C10orf90: variants seen among roughly 807,000 people sequenced by gnomAD.
C10orf90 encodes (E2-independent) E3 ubiquitin-conjugating enzyme FATS.
C10orf90 carries 56 observed loss-of-function variants against 62.5 expected under a neutral mutation model. The observed-to-expected ratio is 0.90, with a 90% CI of 0.72 to 1.12. C10orf90 has a LOEUF of 1.12. Ranked by LOEUF, C10orf90 falls within the 50% of genes most tolerant of loss-of-function variation. The pLI is 0.00. For synonymous variants in C10orf90, 386 were observed against 340.4 expected, an observed-to-expected ratio of 1.13 and a Z score of -1.47; for missense variants, 970 against 880.4, an observed-to-expected ratio of 1.10 and a Z score of -1.29.
intron 2 of C10orf90, among the ~76,000 whole-genome samples, chr10:126,519,910 C>T (rs1167609847): frequency 6.6e-6 from 1 of 152,202 alleles, no homozygotes; most frequent in Non-Finnish European, 1.5e-5. Context: ...TGAGCACCGC[C>T]TCAGAGGCCG....
chr10:126,471,984 C>T (rs1359980842), intron 4 of C10orf90, among the ~76,000 whole-genome samples: 1 of 152,028 alleles, frequency 6.6e-6, no homozygotes, highest in Non-Finnish European at 1.5e-5. Flanking sequence ...AAGATTACTT[C>T]GACTACATTG....
At chr10:126,476,749 T>C (rs977703965) in intron 4 of C10orf90, among the ~76,000 whole-genome samples, 2 of 152,192 alleles carry the variant, frequency 1.3e-5, no homozygotes, top group African/African-American at 2.4e-5. Flanking sequence ...ATATCTGGTT[T>C]ATGGCTTTGC....
rs1862632881 is a variant in C10orf90 at position 126,504,882 on chromosome 10, T to C, written c.609A>G (p.Arg203=). Reference sequence around the variant, plus strand: ...CATCTGACGGTGCCGGGATTCCTAATCTGCCCGGAAGTAACGCAAATGCTC... The same window carrying C: ...CATCTGACGGTGCCGGGATTCCTAACCTGCCCGGAAGTAACGCAAATGCTC... The part of the protein sequence containing the change: ...IHRAFALLPG[R]LGIPAPSDER... Residue 203 remains arginine, a synonymous_variant, in exon 4 of 10, where the codon AGA becomes AGG. Coordinates refer to ENST00000488181, the MANE Select transcript of C10orf90 (RefSeq NM_001350921.2). This position sits in a 1 kb window ranked among gnomAD's most constrained non-coding sequence, Gnocchi z 4.1. 3 of 1,613,972 alleles carry C rather than the reference T, an allele frequency of 1.9e-6. No homozygotes were observed. Among genetic ancestry groups the C allele is most frequent in the Non-Finnish European group, 1.7e-6 (2 of 1,179,894 alleles).
intron 1 of C10orf90, among the ~76,000 whole-genome samples, chr10:126,655,422 C>T (rs533219997): frequency 6.6e-6 from 1 of 152,172 alleles, no homozygotes; most frequent in African/African-American, 2.4e-5. Context: ...TAAAATGTGA[C>T]ACAGAGACAC....
chr10:126,571,034 C>T (rs1844494438), intron 2 of C10orf90, among the ~76,000 whole-genome samples: 1 of 152,216 alleles, frequency 6.6e-6, no homozygotes, highest in African/African-American at 2.4e-5. Flanking sequence ...GCTTTATCTA[C>T]TTCCATTAAA....
intron 4 of C10orf90, among the ~76,000 whole-genome samples, chr10:126,499,901 C>T (rs1862278511): frequency 6.6e-6 from 1 of 152,156 alleles, no homozygotes; most frequent in African/African-American, 2.4e-5. Flanking sequence ...TGGTAAAAAG[C>T]TTCAGATTTA....
intron 1 of C10orf90, among the ~76,000 whole-genome samples, chr10:126,653,680 G>A (rs954973069): frequency 6.6e-6 from 1 of 152,026 alleles, no homozygotes; most frequent in Non-Finnish European, 1.5e-5. Flanking sequence ...CTCCTTTCAC[G>A]GATCATGAAT....
At chr10:126,586,691 G>A (rs974906510) in intron 2 of C10orf90, among the ~76,000 whole-genome samples, 1 of 152,144 alleles carries the variant, frequency 6.6e-6, no homozygotes, top group Non-Finnish European at 1.5e-5. Context: ...GGAGGACGAG[G>A]GGCTCTGGAG....
chr10:126,620,620 A>G (rs1477142747), intron 2 of C10orf90, among the ~76,000 whole-genome samples: 1 of 151,880 alleles, frequency 6.6e-6, no homozygotes, highest in African/African-American at 2.4e-5. Context: ...CTTCTCCTTT[A>G]CTCCACTATC....
At position 126,425,230 on chromosome 10, in the gene C10orf90, A is replaced by C. The variant is rs3812677; in HGVS notation, c.*634T>G. ...TACGTCAGAGCTTCCATAGAAATGG[A>C]TTCTTTTCTCTGGTGAGGAATGGGG... On this transcript the variant is annotated 3_prime_UTR_variant, in exon 10 of 10. Transcript: ENST00000488181. 26,883 of 151,932 alleles carry C rather than the reference A, an allele frequency of 0.18. 2,603 individuals carry two copies. The highest frequency in any genetic ancestry group is 0.23 in the South Asian group (1,093 of 4,796). 9.4% of individuals were successfully genotyped at this position (151,932 alleles called of 1,614,324 possible). A position where few individuals can be genotyped will look rare whatever the true frequency, so the allele number is the denominator to read the frequency against.
intron 4 of C10orf90, among the ~76,000 whole-genome samples, chr10:126,485,479 A>G (rs1039789116): frequency 6.6e-6 from 1 of 152,224 alleles, no homozygotes; most frequent in Non-Finnish European, 1.5e-5. Flanking sequence ...GATGACGATT[A>G]AACTCATCTT....
intron 1 of C10orf90, among the ~76,000 whole-genome samples, chr10:126,653,691 G>A (rs886975856): frequency 2.6e-5 from 4 of 152,130 alleles, no homozygotes; most frequent in African/African-American, 9.7e-5. Flanking sequence ...GATCATGAAT[G>A]TTCCTAATGG....
At position 126,658,131 on chromosome 10, in the gene C10orf90, C is replaced by T. The variant is rs147658223; in HGVS notation, c.241-11494G>A. Among the ~76,000 whole-genome samples the T allele has an allele frequency of 1.9e-3, 291 of 152,264 alleles. 2 individuals carry two copies. The highest frequency in any genetic ancestry group is 6.1e-3 in the African/African-American group (252 of 41,552). Reference sequence around the variant, plus strand: ...AGCGCATTCTGTCCCAGAACAAGGACGTTGAAATGCCGACAGCCATGAGGT... The same window carrying T: ...AGCGCATTCTGTCCCAGAACAAGGATGTTGAAATGCCGACAGCCATGAGGT... On this transcript the variant is annotated intron_variant, in intron 1 of 9. Coordinates refer to ENST00000488181, the MANE Select transcript of C10orf90 (RefSeq NM_001350921.2).
At chr10:126,540,841 T>C (rs918714937) in intron 2 of C10orf90, among the ~76,000 whole-genome samples, 1 of 152,176 alleles carries the variant, frequency 6.6e-6, no homozygotes, top group African/African-American at 2.4e-5. Flanking sequence ...GACATCCATG[T>C]ATATTTGGGA....
chr10:126,514,005 C>G (rs2133919837), intron 2 of C10orf90, 66 bp from the exon 3 acceptor site: 1 of 1,163,608 alleles, frequency 8.6e-7, no homozygotes. Flanking sequence ...ATATATAACT[C>G]TACTGTAAAA....
chr10:126,509,830 A>G (rs1410983353), intron 3 of C10orf90, among the ~76,000 whole-genome samples: 1 of 152,196 alleles, frequency 6.6e-6, no homozygotes, highest in Non-Finnish European at 1.5e-5. Context: ...GATTGAAGAT[A>G]AGGTCCAACC....
intron 4 of C10orf90, among the ~76,000 whole-genome samples, chr10:126,498,132 G>A (rs1429773252): frequency 6.6e-6 from 1 of 152,204 alleles, no homozygotes; most frequent in South Asian, 2.1e-4. Flanking sequence ...CCACCAGCCA[G>A]CAGCAGAAAG....
Position 126,666,848 on chromosome 10 carries a change from C to T in C10orf90, c.240+3393G>A, listed in dbSNP as rs142843564. On this transcript the variant is annotated intron_variant, in intron 1 of 9. Coordinates refer to ENST00000488181, the MANE Select transcript of C10orf90 (RefSeq NM_001350921.2). ...AAAAAAAATTAGCCGGGCATGGTGG[C>T]GGGTGCTTGTAATCCCAGCTACTCA... 3.3e-3 allele frequency among the ~76,000 whole-genome samples: 499 copies of T among 151,470 alleles called. 3 individuals are homozygous for T. Among genetic ancestry groups the T allele is most frequent in the African/African-American group, 0.012 (485 of 41,366 alleles).
chr10:126,429,672 C>T, intron 8 of C10orf90, 115 bp downstream of exon 8: 2 of 804,288 alleles, frequency 2.5e-6, no homozygotes, highest in South Asian at 1.7e-5. Context: ...CCAAAAAGAC[C>T]TCAGACCTTA....
Sources: allele counts gnomAD v4.1 joint callset (sites outside exome capture counted in the v4.1 genomes callset), GRCh38; gene constraint gnomAD v4.1.1; non-coding constraint Gnocchi (gnomAD v3.1); transcripts MANE v1.5; gene names NCBI Gene and HGNC (gene_info 2026-07-23, HGNC 2026-07-21).